ARHGEF12: variants seen among roughly 807,000 people sequenced by gnomAD.
The protein encoded by ARHGEF12 is KMT2A/ARHGEF12 fusion protein.
ARHGEF12 carries 66 observed loss-of-function variants against 211.2 expected under a neutral mutation model. That is an observed-to-expected ratio of 0.31 (90% confidence interval 0.26 to 0.38). ARHGEF12 has a LOEUF of 0.38. Ranked by LOEUF, ARHGEF12 falls within the 10% of genes least tolerant of loss-of-function variation. The pLI is 1.00. For synonymous variants in ARHGEF12, 592 were observed against 638.4 expected, an observed-to-expected ratio of 0.93 and a Z score of 1.09; for missense variants, 1,429 against 1,869.5, an observed-to-expected ratio of 0.76 and a Z score of 4.34.
chr11:120,370,902 T>G (rs1427337078), intron 1 of ARHGEF12, among the ~76,000 whole-genome samples: 4 of 152,102 alleles, frequency 2.6e-5, no homozygotes, highest in Non-Finnish European at 2.9e-5. Flanking sequence ...ACAGTTCTAT[T>G]TAAGGTAGTG....
intron 1 of ARHGEF12, among the ~76,000 whole-genome samples, chr11:120,396,826 G>A (rs1167665540): frequency 1.3e-5 from 2 of 152,152 alleles, no homozygotes; most frequent in Non-Finnish European, 2.9e-5. Flanking sequence ...AGTCCCACAG[G>A]TATGGAAGTT....
At chr11:120,477,335 T>A (rs1026888497) in intron 35 of ARHGEF12, 30 bp downstream of exon 35, 30 of 1,610,524 alleles carry the variant, frequency 1.9e-5, no homozygotes, top group Non-Finnish European at 2.5e-5. Context: ...GTAGTAGGAC[T>A]TATTTTATGT....
intron 8 of ARHGEF12, among the ~76,000 whole-genome samples, chr11:120,429,170 T>C (rs923364541): frequency 6.6e-6 from 1 of 152,208 alleles, no homozygotes; most frequent in African/African-American, 2.4e-5. Flanking sequence ...ACTATTCTTA[T>C]ACTAAGACAA....
chr11:120,481,672 G>A (rs1947241523), intron 39 of ARHGEF12, 96 bp downstream of exon 39: 1 of 1,224,204 alleles, frequency 8.2e-7, no homozygotes, highest in Non-Finnish European at 1.1e-6. Context: ...CAATAAACTT[G>A]TTCAGGTTCT....
In ARHGEF12 at chr11:120,457,752, C is replaced by A. The variant is rs1946407545; in HGVS notation, c.2221C>A (p.Arg741=). ...TGAACATGGGACACCAAAGCCCTTT[C>A]GAAAGTAAGTAAATCTTAAGCAGCT... ...VTEHGTPKPF[R]KFDSVAFGES... The change falls in exon 24 of 41, where the codon CGA becomes AGA. Residue 741 remains arginine (R), a synonymous_variant. Transcript: ENST00000397843. 1.9e-6 allele frequency: 3 copies of A among 1,608,296 alleles called. No homozygotes were observed. Among genetic ancestry groups the A allele is most frequent in the South Asian group, 1.1e-5 (1 of 90,124 alleles).
chr11:120,399,017 A>C (rs1272888256), intron 1 of ARHGEF12, among the ~76,000 whole-genome samples: 2 of 152,042 alleles, frequency 1.3e-5, no homozygotes. Context: ...TTTCTCCATA[A>C]GAAATAGACC....
At chr11:120,402,390 A>C (rs1337881121) in intron 1 of ARHGEF12, among the ~76,000 whole-genome samples, 1 of 152,142 alleles carries the variant, frequency 6.6e-6, no homozygotes, top group Non-Finnish European at 1.5e-5. Flanking sequence ...GGTTCCAATA[A>C]AATGGTGCTG....
At position 120,489,333 on chromosome 11, in the gene ARHGEF12, T is replaced by G. The variant is rs1449465511; in HGVS notation, c.*4256T>G. 4.4e-6 allele frequency: 1 copy of G among 225,680 alleles called. No individual in the cohort carries two copies. The highest frequency in any genetic ancestry group is 2.2e-5 in the African/African-American group (1 of 44,928). 14.0% of individuals were successfully genotyped at this position (225,680 alleles called of 1,614,324 possible). The stretch of plus-strand genomic sequence containing the variant: ...AGATGGGTTTTGGTATATTATTGAT[T>G]TTTAATTGTGGTGAAATATATATAT... On this transcript the variant is annotated 3_prime_UTR_variant, in exon 41 of 41. Coordinates refer to ENST00000397843, the MANE Select transcript of ARHGEF12 (RefSeq NM_015313.3).
At chr11:120,344,014 C>T (rs1288847054) in intron 1 of ARHGEF12, among the ~76,000 whole-genome samples, 1 of 151,792 alleles carries the variant, frequency 6.6e-6, no homozygotes, top group African/African-American at 2.4e-5. Context: ...CCTGTAAATC[C>T]CAGCACTTTG....
At chr11:120,442,232 T>C (rs754279857) in intron 15 of ARHGEF12, 30 bp downstream of exon 15, 1 of 1,530,798 alleles carries the variant, frequency 6.5e-7, no homozygotes. Context: ...TTGTAATCTT[T>C]GCCTTAGTAC....
intron 22 of ARHGEF12, among the ~76,000 whole-genome samples, chr11:120,455,015 C>T (rs1946322840): frequency 6.6e-6 from 1 of 151,428 alleles, no homozygotes; most frequent in African/African-American, 2.4e-5. Context: ...ACCACCACAG[C>T]GATCAGAGTT....
chr11:120,480,082 A>T lies in ARHGEF12; in HGVS notation c.3889A>T (p.Ile1297Phe), dbSNP rs956728353. Residue 1297 changes from isoleucine (I) to phenylalanine (F), a missense_variant, in exon 38 of 41, where the codon ATC (isoleucine) becomes TTC (phenylalanine). Transcript: ENST00000397843. ...TCAGGGGCCGCAGACAGACAGTGTC[A>T]TCCAGAACTCTGAAAATATTAAGGC... The part of the protein sequence containing the change: ...ASQGPQTDSV[I>F]QNSENIKAYH... 6.2e-7 allele frequency: 1 copy of T among 1,614,254 alleles called. No individual in the cohort carries two copies. The highest frequency in any genetic ancestry group is 1.3e-5 in the African/African-American group (1 of 75,064).
At chr11:120,385,322 A>G in intron 1 of ARHGEF12, 1 of 985,380 alleles carries the variant, frequency 1.0e-6, no homozygotes, top group Non-Finnish European at 1.2e-6. Flanking sequence ...GTGGTCAGTA[A>G]AATCATCTGA....
At chr11:120,483,606 T>C (rs117142272) in intron 39 of ARHGEF12, among the ~76,000 whole-genome samples, 2,101 of 150,652 alleles carry the variant, frequency 0.014, 32 homozygotes, top group Non-Finnish European at 0.022. Context: ...TTCTATCTTT[T>C]AATTTATTTA....
At chr11:120,367,592 C>T (rs552464432) in intron 1 of ARHGEF12, among the ~76,000 whole-genome samples, 44 of 152,182 alleles carry the variant, frequency 2.9e-4, no homozygotes, top group African/African-American at 1.0e-3. Context: ...TCTCAAACTC[C>T]TGACCTCATG....
At position 120,410,518 on chromosome 11, in the gene ARHGEF12, A is replaced by G. The variant is rs1352054188; in HGVS notation, c.199+1068A>G. 4 of 152,166 alleles carry G rather than the reference A, an allele frequency of 2.6e-5. No individual in the cohort carries two copies. The East Asian group carries it at 5.8e-4, about 22-fold the overall frequency. 9.4% of individuals were successfully genotyped at this position (152,166 alleles called of 1,614,324 possible). The stretch of plus-strand genomic sequence containing the variant: ...AGATAGATGTTTCCTAGCTTGATAT[A>G]TAGGAGAGGAAAAAATACAGGAATT... On this transcript the variant is annotated intron_variant, in intron 4 of 40. Transcript: ENST00000397843.
chr11:120,462,862 A>C (rs1946573399), intron 27 of ARHGEF12: 1 of 152,218 alleles, frequency 6.6e-6, no homozygotes, highest in African/African-American at 2.4e-5. Flanking sequence ...CAGTGGTGGG[A>C]AAGTAATACA....
At chr11:120,417,541 ACT>A (rs1227386351) in intron 4 of ARHGEF12, among the ~76,000 whole-genome samples, 1 of 132,268 alleles carries the variant, frequency 7.6e-6, no homozygotes, top group Non-Finnish European at 1.5e-5. Context: ...GGAGTCTCTC[ACT>A]CTGTCACCCA....
intron 38 of ARHGEF12, 87 bp downstream of exon 38, chr11:120,480,517 C>A: frequency 7.9e-7 from 1 of 1,272,194 alleles, no homozygotes; most frequent in Non-Finnish European, 1.1e-6. Context: ...GTATTGGTAT[C>A]CAGGTGTGTG....
Sources: allele counts gnomAD v4.1 joint callset (sites outside exome capture counted in the v4.1 genomes callset), GRCh38; gene constraint gnomAD v4.1.1; transcripts MANE v1.5; gene names NCBI Gene and HGNC (gene_info 2026-07-23, HGNC 2026-07-21).